The following SDC2 variants were observed in gnomAD, a reference collection of about 807,000 sequenced individuals.
SDC2 encodes syndecan 2.
Under a neutral mutation model 22.2 loss-of-function variants are expected in SDC2, and 13 were observed. The observed-to-expected ratio is 0.59, with a 90% CI of 0.38 to 0.93. SDC2 has a LOEUF of 0.93. Among genes scored for constraint, SDC2 ranks in the 40% least tolerant of loss-of-function variants. The probability of loss-of-function intolerance (pLI) is 0.00; values close to 1 mark genes in which losing one functional copy is unlikely to be tolerated. For missense variants in SDC2, 235 were observed against 246.8 expected (o/e 0.95, Z 0.32); for synonymous variants, 94 against 92.8 (o/e 1.01, Z -0.07).
intron 1 of SDC2, among the ~76,000 whole-genome samples, chr8:96,573,895 C>T (rs529177254): frequency 5.3e-5 from 8 of 152,206 alleles, no homozygotes; most frequent in Admixed American, 5.2e-4. Flanking sequence ...AGTCTTATTT[C>T]ACCTATCCCG....
rs1815151663 is a variant in SDC2 at position 96,610,117 on chromosome 8, G to T, written c.*569G>T. The T allele has an allele frequency of 6.6e-6, 1 of 152,568 alleles. No homozygotes were observed. The highest frequency in any genetic ancestry group is 1.5e-5 in the Non-Finnish European group (1 of 68,030). The allele number at this position is 152,568 out of a possible 1,614,324, so 9.5% of individuals were successfully genotyped here. ...ACTTTGTATAAATTTTTAAGTGTCA[G>T]ACTATCCATTTTACACTTGCTTTAT... On this transcript the variant is annotated 3_prime_UTR_variant, in exon 5 of 5. Transcript: ENST00000302190.
chr8:96,512,638 T>C (rs550581035), intron 1 of SDC2, among the ~76,000 whole-genome samples: 2 of 152,186 alleles, frequency 1.3e-5, no homozygotes, highest in African/African-American at 4.8e-5. Flanking sequence ...TGTGGGGGCA[T>C]TGGGGGCTAT....
At chr8:96,560,432 T>A (rs1474407013) in intron 1 of SDC2, among the ~76,000 whole-genome samples, 1 of 152,216 alleles carries the variant, frequency 6.6e-6, no homozygotes, top group East Asian at 1.9e-4. Flanking sequence ...ATGAGTTAAC[T>A]GTTCTACCAA....
chr8:96,602,325 A>G lies in SDC2; in HGVS notation c.173-70A>G, dbSNP rs922842506. 34 of 1,471,266 alleles carry G rather than the reference A, an allele frequency of 2.3e-5. No homozygotes were observed. The Admixed American group carries it at 6.1e-4, about 26-fold the overall frequency. 91.1% of individuals were successfully genotyped at this position (1,471,266 alleles called of 1,614,324 possible). A position where few individuals can be genotyped will look rare whatever the true frequency, so the allele number is the denominator to read the frequency against. On this transcript the variant is annotated intron_variant, in intron 2 of 4. Transcript: ENST00000302190. ...ATTCTGTCAGTGTCAACGTCAGGCA[A>G]TAGTGCCTGATAATGGAGACATCTG...
At chr8:96,583,717 GTATA>G (rs60809365) in intron 1 of SDC2, among the ~76,000 whole-genome samples, 12,515 of 116,514 alleles carry the variant, frequency 0.11, 623 homozygotes, top group East Asian at 0.26. Context: ...GTGTGTGTGT[GTATA>G]TATATATATG....
At chr8:96,597,057 T>C (rs1222082032) in intron 2 of SDC2, among the ~76,000 whole-genome samples, 1 of 152,176 alleles carries the variant, frequency 6.6e-6, no homozygotes, top group South Asian at 2.1e-4. Context: ...TCATGTTCCC[T>C]GCCCTCAGAG....
At chr8:96,551,490 T>C (rs1373815329) in intron 1 of SDC2, among the ~76,000 whole-genome samples, 1 of 152,158 alleles carries the variant, frequency 6.6e-6, no homozygotes, top group African/African-American at 2.4e-5. Flanking sequence ...TATACTATTA[T>C]TAGCCCTAGT....
At chr8:96,518,361 GTTTT>G (rs35449864) in intron 1 of SDC2, among the ~76,000 whole-genome samples, 1 of 125,216 alleles carries the variant, frequency 8.0e-6, no homozygotes, top group Non-Finnish European at 1.7e-5. Context: ...ACCTTGAGAG[GTTTT>G]TTTTTTTTTT....
intron 1 of SDC2, among the ~76,000 whole-genome samples, chr8:96,569,583 A>G (rs1022714965): frequency 6.6e-5 from 10 of 152,252 alleles, no homozygotes; most frequent in African/African-American, 2.4e-4. Context: ...ATGAAGCTGT[A>G]AAAGTTGGAG....
At chr8:96,534,261 T>C (rs2437776) in intron 1 of SDC2, among the ~76,000 whole-genome samples, 67,037 of 152,088 alleles carry the variant, frequency 0.44, 16,669 homozygotes, top group African/African-American at 0.68. Flanking sequence ...GCCCCCACAG[T>C]GCAGTGGTGG....
rs1004167951 is a variant in SDC2 at position 96,580,733 on chromosome 8, G to A, written c.61-12747G>A. On this transcript the variant is annotated intron_variant, in intron 1 of 4. Transcript: ENST00000302190. ...GCTCTAGAAAATTCAAATGTAACAG[G>A]TAGTCCAGGTGCTTTCATTCTAAAA... 3.9e-5 allele frequency among the ~76,000 whole-genome samples: 6 copies of A among 152,170 alleles called. No individual in the cohort carries two copies. The South Asian group carries it at 1.0e-3, about 26-fold the overall frequency.
At chr8:96,562,642 A>G (rs1814228759) in intron 1 of SDC2, among the ~76,000 whole-genome samples, 1 of 152,138 alleles carries the variant, frequency 6.6e-6, no homozygotes, top group South Asian at 2.1e-4. Flanking sequence ...ATTACAGCAA[A>G]ATTTTGTATA....
intron 1 of SDC2, among the ~76,000 whole-genome samples, chr8:96,552,772 T>C (rs1249057578): frequency 6.6e-6 from 1 of 152,208 alleles, no homozygotes; most frequent in Non-Finnish European, 1.5e-5. Context: ...TACTTTAAAA[T>C]TGTTGAGTGT....
At chr8:96,574,088 T>G (rs1328325702) in intron 1 of SDC2, among the ~76,000 whole-genome samples, 2 of 142,124 alleles carry the variant, frequency 1.4e-5, no homozygotes, top group African/African-American at 5.2e-5. Context: ...ACCTTCAGCT[T>G]TGGGATCTTA....
chr8:96,592,424 T>C (rs1331840182), intron 1 of SDC2, among the ~76,000 whole-genome samples: 3 of 152,246 alleles, frequency 2.0e-5, no homozygotes, highest in Non-Finnish European at 2.9e-5. Flanking sequence ...GCAAACATTC[T>C]ATATGATTTT....
At chr8:96,596,023 C>T (rs201543118) in intron 2 of SDC2, among the ~76,000 whole-genome samples, 19 of 152,314 alleles carry the variant, frequency 1.2e-4, no homozygotes, top group East Asian at 1.2e-3. Flanking sequence ...GTACTTGTAA[C>T]TAAAATTTGT....
chr8:96,581,094 T>C (rs753354128), intron 1 of SDC2, among the ~76,000 whole-genome samples: 2 of 152,236 alleles, frequency 1.3e-5, no homozygotes, highest in African/African-American at 2.4e-5. Flanking sequence ...TGAAATGTTA[T>C]ATCTCTTATG....
At chr8:96,584,479 ATTATGGT>A (rs901079660) in intron 1 of SDC2, among the ~76,000 whole-genome samples, 9 of 152,252 alleles carry the variant, frequency 5.9e-5, no homozygotes, top group African/African-American at 2.2e-4. Flanking sequence ...ACTCTGTTCC[ATTATGGT>A]AGTTTTTACA....
chr8:96,549,027 G>T (rs2130532448), intron 1 of SDC2, among the ~76,000 whole-genome samples: 1 of 152,260 alleles, frequency 6.6e-6, no homozygotes, highest in South Asian at 2.1e-4. Context: ...TTACCACTGT[G>T]CCCCAGTAAA....
Sources: allele counts gnomAD v4.1 joint callset (sites outside exome capture counted in the v4.1 genomes callset), GRCh38; gene constraint gnomAD v4.1.1; transcripts MANE v1.5; gene names NCBI Gene and HGNC (gene_info 2026-07-23, HGNC 2026-07-21).